Variants in PIK3C2G observed in about 807,000 individuals in gnomAD.
PIK3C2G encodes the protein phosphatidylinositol 3-kinase C2 domain-containing subunit gamma.
A neutral mutation model predicts 181.1 loss-of-function variants in PIK3C2G; 168 were observed. That is an observed-to-expected ratio of 0.93 (90% confidence interval 0.82 to 1.05). The LOEUF is 1.05. PIK3C2G is among the 50% of genes least tolerant of loss of function. The probability of loss-of-function intolerance (pLI) is 0.00; values close to 1 mark genes in which losing one functional copy is unlikely to be tolerated. For missense variants in PIK3C2G, 1,869 were observed against 1,732.8 expected (o/e 1.08, Z -1.40); for synonymous variants, 573 against 592.2 (o/e 0.97, Z 0.47).
At chr12:18,349,041 G>A (rs1337624727) in intron 11 of PIK3C2G, among the ~76,000 whole-genome samples, 1 of 152,164 alleles carries the variant, frequency 6.6e-6, no homozygotes, top group Non-Finnish European at 1.5e-5. Flanking sequence ...AATGTCCTCA[G>A]GCCATAGAGT....
chr12:18,389,850 T>C (rs1943428742), intron 14 of PIK3C2G, among the ~76,000 whole-genome samples: 1 of 152,218 alleles, frequency 6.6e-6, no homozygotes. Flanking sequence ...TTCTTTTGTA[T>C]GCTCATCTAC....
intron 26 of PIK3C2G, among the ~76,000 whole-genome samples, chr12:18,551,971 C>T (rs540733031): frequency 6.3e-4 from 96 of 152,186 alleles, no homozygotes; most frequent in African/African-American, 2.2e-3. Context: ...GATTTCGTTG[C>T]CCAGCCGTAT....
At chr12:18,264,231 A>T (rs1252853376) in intron 1 of PIK3C2G, among the ~76,000 whole-genome samples, 2 of 152,216 alleles carry the variant, frequency 1.3e-5, no homozygotes, top group Non-Finnish European at 2.9e-5. Context: ...ACCCCAACTT[A>T]CATAGTATTA....
chr12:18,325,199 T>A, intron 8 of PIK3C2G, 101 bp downstream of exon 8: 3 of 576,150 alleles, frequency 5.2e-6, no homozygotes, highest in Non-Finnish European at 6.1e-6. Context: ...CAAAAATGAA[T>A]AAAACAGAGG....
intron 26 of PIK3C2G, among the ~76,000 whole-genome samples, chr12:18,555,824 G>A (rs1311862579): frequency 6.6e-6 from 1 of 152,124 alleles, no homozygotes; most frequent in African/African-American, 2.4e-5. Context: ...TCCACAGTGA[G>A]AGCAAAGACT....
At chr12:18,639,473 C>A (rs1949752692) in intron 31 of PIK3C2G, among the ~76,000 whole-genome samples, 1 of 152,098 alleles carries the variant, frequency 6.6e-6, no homozygotes, top group East Asian at 1.9e-4. Context: ...ACTTTTAAAT[C>A]ATCTGCTTTA....
intron 13 of PIK3C2G, among the ~76,000 whole-genome samples, chr12:18,381,161 T>C (rs954854797): frequency 3.9e-5 from 6 of 152,234 alleles, no homozygotes; most frequent in African/African-American, 1.4e-4. Flanking sequence ...GTATGCACTC[T>C]CATTTACTAT....
At chr12:18,344,488 C>G (rs1397788355) in intron 10 of PIK3C2G, among the ~76,000 whole-genome samples, 1 of 152,110 alleles carries the variant, frequency 6.6e-6, no homozygotes, top group African/African-American at 2.4e-5. Flanking sequence ...GGAATGGACA[C>G]TTCCTGACAG....
At chr12:18,679,859 T>G in the PIK3C2G span, among the ~76,000 whole-genome samples, 1 of 151,942 alleles carries the variant, frequency 6.6e-6, no homozygotes. Flanking sequence ...CCAGGTGTGC[T>G]GAGCTGTTGT....
At chr12:18,266,968 C>A (rs749894794) in intron 1 of PIK3C2G, among the ~76,000 whole-genome samples, 2 of 151,874 alleles carry the variant, frequency 1.3e-5, no homozygotes, top group Admixed American at 6.6e-5. Flanking sequence ...ATGTAATATG[C>A]ATATTCAGGG....
At chr12:18,378,932 C>T (rs1039197475) in intron 13 of PIK3C2G, among the ~76,000 whole-genome samples, 5 of 152,122 alleles carry the variant, frequency 3.3e-5, no homozygotes, top group Non-Finnish European at 7.4e-5. Context: ...TAAACTGGTT[C>T]AACCATTGTG....
chr12:18,528,092 C>T (rs1261299586), intron 24 of PIK3C2G, among the ~76,000 whole-genome samples: 4 of 152,108 alleles, frequency 2.6e-5, no homozygotes, highest in Non-Finnish European at 5.9e-5. Flanking sequence ...ATGTTCTCAT[C>T]ATATTGTACA....
At chr12:18,701,354 G>T in the PIK3C2G span, 1 of 1,408,484 alleles carries the variant, frequency 7.1e-7, no homozygotes, top group Non-Finnish European at 9.5e-7. Flanking sequence ...TTCCACCATC[G>T]ATGTTTTCAA....
intron 30 of PIK3C2G, among the ~76,000 whole-genome samples, chr12:18,603,903 A>G (rs1036367518): frequency 4.6e-5 from 7 of 152,210 alleles, no homozygotes; most frequent in African/African-American, 1.7e-4. Context: ...CTGGAAACAC[A>G]TCAAAAAGAA....
chr12:18,513,076 G>C (rs1942316022), intron 24 of PIK3C2G, among the ~76,000 whole-genome samples: 1 of 151,714 alleles, frequency 6.6e-6, no homozygotes, highest in African/African-American at 2.4e-5. Context: ...CCTTCATTTT[G>C]TAAATTTAGT....
At chr12:18,726,802 A>G in the PIK3C2G span, among the ~76,000 whole-genome samples, 2 of 152,192 alleles carry the variant, frequency 1.3e-5, no homozygotes, top group Non-Finnish European at 2.9e-5. Flanking sequence ...AATAAAGCCT[A>G]AGTAAATTCA....
At chr12:18,491,641 A>G in intron 20 of PIK3C2G, 83 bp downstream of exon 20, 1 of 724,542 alleles carries the variant, frequency 1.4e-6, no homozygotes, top group Non-Finnish European at 2.3e-6. Context: ...AATGGCAAAA[A>G]GAATTCGTAA....
intron 30 of PIK3C2G, among the ~76,000 whole-genome samples, chr12:18,606,820 G>A (rs368239708): frequency 1.1e-4 from 17 of 151,844 alleles, no homozygotes; most frequent in African/African-American, 4.1e-4. Context: ...AAGATTATAA[G>A]GGAAATATTA....
chr12:18,708,322 C>A, the PIK3C2G span, among the ~76,000 whole-genome samples: 1 of 152,156 alleles, frequency 6.6e-6, no homozygotes, highest in East Asian at 1.9e-4. Flanking sequence ...TGTCCTCACT[C>A]ATGCTGTGGT....
Sources: gnomAD v4.1 joint callset for allele counts (sites outside exome capture counted in the v4.1 genomes callset) on GRCh38, gnomAD v4.1.1 for gene constraint, MANE v1.5 for transcripts, NCBI Gene and HGNC (gene_info 2026-07-23, HGNC 2026-07-21) for gene names.